The following OR7D2 variants were observed in gnomAD, a reference collection of about 807,000 sequenced individuals.
OR7D2 encodes olfactory receptor family 7 subfamily D member 2.
For missense variants in OR7D2, 370 were observed against 384.1 expected (o/e 0.96, Z 0.31); for synonymous variants, 158 against 158.7 (o/e 1.00, Z 0.03).
chr19:9,186,411 C>T lies in OR7D2; in HGVS notation c.630C>T (p.Pro210=), dbSNP rs527364507. ...YFMTGVLGVF[P]LLGIIFSYSR... ...TGACGGGTGTGCTGGGCGTTTTTCCCCTCCTTGGGATCATTTTCTCTTATT... is the reference window on the plus strand; with the variant it reads ...TGACGGGTGTGCTGGGCGTTTTTCCTCTCCTTGGGATCATTTTCTCTTATT... The change falls in exon 3 of 3, where the codon CCC becomes CCT. Residue 210 remains proline (P), a synonymous_variant. Transcript: ENST00000641288. The T allele has an allele frequency of 2.5e-5, 40 of 1,614,176 alleles. No homozygotes were observed. The South Asian group carries it at 4.1e-4, about 16-fold the overall frequency.
At chr19:9,181,892 G>C (rs79892658) in intron 2 of OR7D2, among the ~76,000 whole-genome samples, 4,282 of 152,196 alleles carry the variant, frequency 0.028, 91 homozygotes, top group Non-Finnish European at 0.042. Flanking sequence ...ATGTTTCGCT[G>C]TTTCCAGTGA....
chr19:9,184,061 G>A (rs8109916), intron 2 of OR7D2, among the ~76,000 whole-genome samples: 31,134 of 148,930 alleles, frequency 0.21, 3,648 homozygotes, highest in East Asian at 0.27. Context: ...ATGTAGATTG[G>A]AGCAGACATT....
rs922066163 is a variant in OR7D2 at position 9,187,537 on chromosome 19, A to G, written c.*817A>G. ...TTTATGTCAGTAGTTTTTGGGGTACATGTGGTTTTTCATTACACGGATGAG... is the reference window on the plus strand; with the variant it reads ...TTTATGTCAGTAGTTTTTGGGGTACGTGTGGTTTTTCATTACACGGATGAG... On this transcript the variant is annotated 3_prime_UTR_variant, in exon 3 of 3. Transcript: ENST00000641288. 3 of 166,786 alleles carry G rather than the reference A, an allele frequency of 1.8e-5. No individual in the cohort carries two copies. Among genetic ancestry groups the G allele is most frequent in the African/African-American group, 4.8e-5 (2 of 41,318 alleles). 10.3% of individuals were successfully genotyped at this position (166,786 alleles called of 1,614,324 possible).
chr19:9,179,444 T>G lies in OR7D2; in HGVS notation c.-105+321T>G, dbSNP rs201358001. ...AATCCCAGCTACTCGGGAGCCTGAGTCAGGAGAATGGCTTGAACCCGGGAG... is the reference window on the plus strand; with the variant it reads ...AATCCCAGCTACTCGGGAGCCTGAGGCAGGAGAATGGCTTGAACCCGGGAG... On this transcript the variant is annotated intron_variant, in intron 1 of 2. Transcript: ENST00000641288. 3.6e-3 allele frequency among the ~76,000 whole-genome samples: 535 copies of G among 149,936 alleles called. No homozygotes were observed. The East Asian group carries it at 0.055, about 15-fold the overall frequency.
In OR7D2 at chr19:9,188,591, C is replaced by G. The variant is rs2051056576; in HGVS notation, c.*1871C>G. The stretch of plus-strand genomic sequence containing the variant: ...AAAAATTGTGTCCTTGATCATCGTT[C>G]TTAATTCTCCATTAGTGAGTTCTGA... On this transcript the variant is annotated 3_prime_UTR_variant, in exon 3 of 3. Coordinates refer to ENST00000641288, the MANE Select transcript of OR7D2 (RefSeq NM_175883.4). 6.0e-6 allele frequency: 1 copy of G among 167,100 alleles called. No homozygotes were observed. Among genetic ancestry groups the G allele is most frequent in the Admixed American group, 6.5e-5 (1 of 15,290 alleles). The allele number at this position is 167,100 out of a possible 1,614,324, so 10.4% of individuals were successfully genotyped here.
In OR7D2 at chr19:9,188,555, A is replaced by T. The variant is rs1040868273; in HGVS notation, c.*1835A>T. On this transcript the variant is annotated 3_prime_UTR_variant, in exon 3 of 3. Transcript: ENST00000641288. ...ATTTCCTTGATGGCACTTCTGTCCT[A>T]TGTGCTATTCAAAAATTGTGTCCTT... 17 of 167,100 alleles carry T rather than the reference A, an allele frequency of 1.0e-4. No homozygotes were observed. Among genetic ancestry groups the T allele is most frequent in the South Asian group, 2.1e-4 (1 of 4,828 alleles). The allele number at this position is 167,100 out of a possible 1,614,324, so 10.4% of individuals were successfully genotyped here.
At chr19:9,182,878 G>A (rs918020151) in intron 2 of OR7D2, 6 of 327,036 alleles carry the variant, frequency 1.8e-5, no homozygotes, top group African/African-American at 1.1e-4. Flanking sequence ...GGACCTCATC[G>A]GCTTCGTTCT....
chr19:9,182,440 C>T (rs988364149), intron 2 of OR7D2: 3 of 324,142 alleles, frequency 9.3e-6, no homozygotes, highest in Admixed American at 4.6e-5. Flanking sequence ...TCGGGAATCT[C>T]GGTGGAGCTG....
In OR7D2 at chr19:9,186,625, AC is replaced by A; in HGVS notation, c.849del (p.Met284CysfsTer2). ...SVASVMYTVV[T>X]PMLNPFIYSL... ...GGCCTCGGTGATGTACACTGTGGTC[AC>A]CCCCATGTTGAACCCCTTCATCTAC... is the stretch of plus-strand genomic sequence containing the variant. On this transcript the variant is annotated frameshift_variant, in exon 3 of 3. Coordinates refer to ENST00000641288, the MANE Select transcript of OR7D2 (RefSeq NM_175883.4). LOFTEE classifies it low-confidence loss of function (END_TRUNC). 1 of 1,613,654 alleles carries A rather than the reference AC, an allele frequency of 6.2e-7. No homozygotes were observed. Among genetic ancestry groups the A allele is most frequent in the Admixed American group, 1.7e-5 (1 of 59,952 alleles).
chr19:9,182,292 A>G (rs1167953500), intron 2 of OR7D2: 1 of 171,918 alleles, frequency 5.8e-6, no homozygotes, highest in Admixed American at 6.4e-5. Context: ...CATGCTATAT[A>G]TGAAAAAAAT....
intron 2 of OR7D2, among the ~76,000 whole-genome samples, chr19:9,185,393 T>G (rs1229997874): frequency 6.6e-6 from 1 of 151,662 alleles, no homozygotes; most frequent in Non-Finnish European, 1.5e-5. Flanking sequence ...GTATGAAAGA[T>G]TAGACAAAAT....
rs746556458 is a variant in OR7D2 at position 9,186,578 on chromosome 19, A to G, written c.797A>G (p.His266Arg). 4 of 1,612,822 alleles carry G rather than the reference A, an allele frequency of 2.5e-6. No homozygotes were observed. In the South Asian group the frequency reaches 4.4e-5, roughly 18 times the overall value. ...GTCCACTTCACTTCTGCGGTGACTCACTCTTCCCAGAAAATCTCCGTGGCC... is the reference window on the plus strand; with the variant it reads ...GTCCACTTCACTTCTGCGGTGACTCGCTCTTCCCAGAAAATCTCCGTGGCC... ...IGVHFTSAVT[H>R]SSQKISVASV... The change falls in exon 3 of 3, where the codon CAC (histidine) becomes CGC (arginine). Residue 266 changes from histidine to arginine, a missense_variant. His to Arg is a conservative substitution (Grantham distance 29). Coordinates refer to ENST00000641288, the MANE Select transcript of OR7D2 (RefSeq NM_175883.4).
intron 2 of OR7D2, 45 bp from the exon 3 acceptor site, chr19:9,185,724 C>G: frequency 8.2e-7 from 1 of 1,216,846 alleles, no homozygotes; most frequent in Non-Finnish European, 1.2e-6. Context: ...GCTGGGACTA[C>G]AGGTGTCCAC....
intron 2 of OR7D2, chr19:9,183,086 C>A (rs568416474): frequency 6.6e-6 from 2 of 300,770 alleles, no homozygotes; most frequent in Non-Finnish European, 1.4e-5. Flanking sequence ...TCCCCAGGAA[C>A]TTTAGTAGTT....
chr19:9,180,149 A>G (rs1412450874), intron 1 of OR7D2, among the ~76,000 whole-genome samples: 2 of 152,096 alleles, frequency 1.3e-5, no homozygotes, highest in African/African-American at 2.4e-5. Context: ...TTGCAGATAC[A>G]TAAGAAAGCT....
chr19:9,179,650 TC>T (rs35388408), intron 1 of OR7D2, among the ~76,000 whole-genome samples: 1 of 152,200 alleles, frequency 6.6e-6, no homozygotes, highest in South Asian at 2.1e-4. Context: ...AACTGGCACT[TC>T]CTTGAGTGGA....
intron 1 of OR7D2, among the ~76,000 whole-genome samples, chr19:9,180,433 T>C (rs1169715321): frequency 6.6e-6 from 1 of 152,162 alleles, no homozygotes; most frequent in Non-Finnish European, 1.5e-5. Flanking sequence ...TTTTATTAAA[T>C]GAATTTTAGC....
In OR7D2 at chr19:9,186,867, G is replaced by T; in HGVS notation, c.*147G>T. The T allele has an allele frequency of 1.6e-6, 1 of 615,502 alleles. No individual in the cohort carries two copies. The highest frequency in any genetic ancestry group is 2.9e-5 in the East Asian group (1 of 34,286). The allele number at this position is 615,502 out of a possible 1,614,324, so 38.1% of individuals were successfully genotyped here. The stretch of plus-strand genomic sequence containing the variant: ...GATTTCTTAACATGCATTTGCATAA[G>T]GGTGAAGTCTGAGCTTTTGGCGTAC... On this transcript the variant is annotated 3_prime_UTR_variant, in exon 3 of 3. Coordinates refer to ENST00000641288, the MANE Select transcript of OR7D2 (RefSeq NM_175883.4).
In OR7D2 at chr19:9,186,862, C is replaced by T. The variant is rs1462813882; in HGVS notation, c.*142C>T. The T allele has an allele frequency of 1.7e-5, 11 of 631,946 alleles. No individual in the cohort carries two copies. Among genetic ancestry groups the T allele is most frequent in the Non-Finnish European group, 2.7e-5 (10 of 372,842 alleles). 39.1% of individuals were successfully genotyped at this position (631,946 alleles called of 1,614,324 possible). On this transcript the variant is annotated 3_prime_UTR_variant, in exon 3 of 3. Coordinates refer to ENST00000641288, the MANE Select transcript of OR7D2 (RefSeq NM_175883.4). The stretch of plus-strand genomic sequence containing the variant: ...ATGCAGATTTCTTAACATGCATTTG[C>T]ATAAGGGTGAAGTCTGAGCTTTTGG...
Sources: gnomAD v4.1 joint callset for allele counts (sites outside exome capture counted in the v4.1 genomes callset) on GRCh38, gnomAD v4.1.1 for gene constraint, MANE v1.5 for transcripts, NCBI Gene and HGNC (gene_info 2026-07-23, HGNC 2026-07-21) for gene names.